ENOX1: variants seen among roughly 807,000 people sequenced by gnomAD.
ENOX1 encodes candidate growth-related and time keeping constitutive hydroquinone (NADH) oxidase.
Under a neutral mutation model 82.5 loss-of-function variants are expected in ENOX1, and 42 were observed. The observed-to-expected ratio is 0.51, with a 90% CI of 0.40 to 0.66. ENOX1 has a LOEUF of 0.66. Among genes scored for constraint, ENOX1 ranks in the 30% least tolerant of loss-of-function variants. The pLI is 0.00. For synonymous variants in ENOX1, 271 were observed against 282.2 expected, an observed-to-expected ratio of 0.96 and a Z score of 0.40; for missense variants, 608 against 811.6, an observed-to-expected ratio of 0.75 and a Z score of 3.05.
intron 2 of ENOX1, among the ~76,000 whole-genome samples, chr13:43,485,666 T>G (rs2076387842): frequency 6.6e-6 from 1 of 152,178 alleles, no homozygotes; most frequent in Admixed American, 6.5e-5. Flanking sequence ...TGACAAAGAA[T>G]GAAGAAAAAA....
chr13:43,771,756 G>GGT (rs929759538), intron 1 of ENOX1, among the ~76,000 whole-genome samples: 2 of 151,770 alleles, frequency 1.3e-5, no homozygotes, highest in African/African-American at 4.8e-5. Flanking sequence ...TCAGTTCATT[G>GGT]GTGTGATATC....
chr13:43,464,058 C>G (rs9316025), intron 3 of ENOX1, among the ~76,000 whole-genome samples: 69,174 of 151,862 alleles, frequency 0.46, 16,163 homozygotes, highest in Non-Finnish European at 0.5. Flanking sequence ...ATTGTAGAAA[C>G]ATTTCAGAAA....
At chr13:43,695,496 G>A (rs2086595403) in intron 1 of ENOX1, among the ~76,000 whole-genome samples, 1 of 144,552 alleles carries the variant, frequency 6.9e-6, no homozygotes, top group African/African-American at 2.7e-5. Flanking sequence ...CACCCAGGCT[G>A]AAGTGCAGTG....
At chr13:43,310,719 A>G (rs2047152152) in intron 11 of ENOX1, among the ~76,000 whole-genome samples, 2 of 152,178 alleles carry the variant, frequency 1.3e-5, no homozygotes. Flanking sequence ...GAAAGAAAAG[A>G]AAGAAAGAAA....
chr13:43,479,540 A>G (rs1470925187), intron 3 of ENOX1, among the ~76,000 whole-genome samples: 1 of 152,086 alleles, frequency 6.6e-6, no homozygotes, highest in Non-Finnish European at 1.5e-5. Context: ...TCTTTCCCTC[A>G]TCCATGTTCC....
chr13:43,321,913 C>T (rs1044000435), intron 11 of ENOX1, among the ~76,000 whole-genome samples: 2 of 152,194 alleles, frequency 1.3e-5, no homozygotes, highest in South Asian at 4.1e-4. Flanking sequence ...ACACCCCTAG[C>T]TTGGTACCAA....
chr13:43,655,133 G>A (rs182180780), intron 2 of ENOX1, among the ~76,000 whole-genome samples: 17 of 152,146 alleles, frequency 1.1e-4, no homozygotes, highest in African/African-American at 3.4e-4. Context: ...AATTCCTACC[G>A]CGCTCCTTAT....
chr13:43,213,693 G>T lies in ENOX1; in HGVS notation c.*297C>A. On this transcript the variant is annotated 3_prime_UTR_variant, in exon 17 of 17. Transcript: ENST00000690772. ...ATTAACTTTAAATATTTTGCTTGGT[G>T]AGCTATTCTCAAATGTAGCACATTT... 1 of 188,794 alleles carries T rather than the reference G, an allele frequency of 5.3e-6. No individual in the cohort carries two copies. Among genetic ancestry groups the T allele is most frequent in the Non-Finnish European group, 1.1e-5 (1 of 91,392 alleles). The allele number at this position is 188,794 out of a possible 1,614,324, so 11.7% of individuals were successfully genotyped here.
intron 14 of ENOX1, among the ~76,000 whole-genome samples, chr13:43,247,123 C>T (rs975428833): frequency 2.6e-5 from 4 of 152,072 alleles, no homozygotes; most frequent in African/African-American, 9.7e-5. Context: ...GGAGACCAGC[C>T]TGACCAATAC....
intron 3 of ENOX1, among the ~76,000 whole-genome samples, chr13:43,477,134 CAT>C (rs1472201747): frequency 1.3e-5 from 2 of 150,358 alleles, no homozygotes; most frequent in African/African-American, 2.4e-5. Context: ...AAATATTGCA[CAT>C]ATATATGTGT....
chr13:43,695,446 T>A (rs76213352), intron 1 of ENOX1, among the ~76,000 whole-genome samples: 3 of 9,492 alleles, frequency 3.2e-4, no homozygotes. Context: ...AATCTAATTT[T>A]TTTTTTTTTT....
chr13:43,639,406 C>G (rs117701651), intron 2 of ENOX1, among the ~76,000 whole-genome samples: 2,165 of 152,256 alleles, frequency 0.014, 22 homozygotes, highest in Non-Finnish European at 0.024. Context: ...GTTTATTGTA[C>G]AAAACTCTTA....
intron 11 of ENOX1, among the ~76,000 whole-genome samples, chr13:43,309,713 G>C (rs557447889): frequency 6.6e-6 from 1 of 152,070 alleles, no homozygotes; most frequent in Non-Finnish European, 1.5e-5. Context: ...TAAACTGTCT[G>C]GATGGATAAA....
At chr13:43,518,043 T>G (rs2077621591) in intron 2 of ENOX1, among the ~76,000 whole-genome samples, 1 of 152,156 alleles carries the variant, frequency 6.6e-6, no homozygotes, top group Non-Finnish European at 1.5e-5. Context: ...AATGTACTAT[T>G]ATTTCCTTTT....
At position 43,660,660 on chromosome 13, in the gene ENOX1, G is replaced by T. The variant is rs114857717; in HGVS notation, c.-219+6819C>A. 2.6e-3 allele frequency among the ~76,000 whole-genome samples: 396 copies of T among 152,174 alleles called. 1 individual carries two copies. The highest frequency in any genetic ancestry group is 9.1e-3 in the African/African-American group (379 of 41,522). On this transcript the variant is annotated intron_variant, in intron 2 of 16. Coordinates refer to ENST00000690772, the MANE Select transcript of ENOX1 (RefSeq NM_001347969.2). ...TCTGAAAAAGATGAACAATTAAAGA[G>T]GTCCTTAAATTGATAATTAACCTAA...
At chr13:43,540,938 GAC>G (rs1393690180) in intron 2 of ENOX1, among the ~76,000 whole-genome samples, 1 of 152,090 alleles carries the variant, frequency 6.6e-6, no homozygotes, top group Admixed American at 6.6e-5. Context: ...GGGAATAAGA[GAC>G]AGGGTGATGT....
At chr13:43,410,060 G>C (rs1451098164) in intron 5 of ENOX1, among the ~76,000 whole-genome samples, 1 of 152,164 alleles carries the variant, frequency 6.6e-6, no homozygotes, top group Non-Finnish European at 1.5e-5. Flanking sequence ...AACGCGTAGG[G>C]CTGTAATTCT....
chr13:43,517,199 A>G (rs1376264912), intron 2 of ENOX1, among the ~76,000 whole-genome samples: 1 of 152,174 alleles, frequency 6.6e-6, no homozygotes, highest in Non-Finnish European at 1.5e-5. Context: ...CTGGTCATTT[A>G]AGAAAAATGT....
chr13:43,368,248 C>A (rs2050979098), intron 5 of ENOX1, among the ~76,000 whole-genome samples: 1 of 152,206 alleles, frequency 6.6e-6, no homozygotes, highest in Admixed American at 6.5e-5. Context: ...ATCAATAAAA[C>A]CCTCTGTCTC....
Sources: allele counts gnomAD v4.1 joint callset (sites outside exome capture counted in the v4.1 genomes callset), GRCh38; gene constraint gnomAD v4.1.1; transcripts MANE v1.5; gene names NCBI Gene and HGNC (gene_info 2026-07-23, HGNC 2026-07-21).